PXDNL: variants seen among roughly 807,000 people sequenced by gnomAD.
PXDNL encodes the protein probable oxidoreductase PXDNL.
PXDNL carries 145 observed loss-of-function variants against 150.8 expected under a neutral mutation model. The ratio of observed to expected loss-of-function variants is 0.96; its 90% confidence interval spans 0.84 to 1.10. PXDNL has a LOEUF of 1.10. PXDNL is among the 50% of genes least tolerant of loss of function. The pLI, the probability that PXDNL is intolerant of heterozygous loss-of-function variation, is 0.00. For missense variants in PXDNL, 2,087 were observed against 1,873.9 expected, an observed-to-expected ratio of 1.11 and a Z score of -2.10; for synonymous variants, 757 against 725.7, an observed-to-expected ratio of 1.04 and a Z score of -0.69.
chr8:51,435,211 C>T (rs1041894685), intron 12 of PXDNL, among the ~76,000 whole-genome samples: 28 of 152,166 alleles, frequency 1.8e-4, no homozygotes, highest in African/African-American at 6.3e-4. Context: ...ATCCCAGCTA[C>T]TCAGGAGGCG....
chr8:51,765,189 C>T (rs924213029), intron 1 of PXDNL, among the ~76,000 whole-genome samples: 2 of 152,124 alleles, frequency 1.3e-5, no homozygotes, highest in African/African-American at 2.4e-5. Context: ...TCCCATAATT[C>T]CCACATGTTG....
At chr8:51,733,333 C>T (rs1157383642) in intron 1 of PXDNL, among the ~76,000 whole-genome samples, 1 of 152,176 alleles carries the variant, frequency 6.6e-6, no homozygotes, top group Non-Finnish European at 1.5e-5. Flanking sequence ...AAATGTAACT[C>T]AAGTGTTCTC....
chr8:51,763,918 C>A (rs35918180), intron 1 of PXDNL, among the ~76,000 whole-genome samples: 9,229 of 152,204 alleles, frequency 0.061, 378 homozygotes, highest in Non-Finnish European at 0.087. Context: ...TGGTAGAATT[C>A]TTCAGCGAAG....
chr8:51,773,582 C>T lies in PXDNL; in HGVS notation c.164+35599G>A, dbSNP rs977387420. ...ACGACCACCTTCTAGAATTTGTTCC[C>T]AAGCTTCCATCTCAGGAAACAAGAA... On this transcript the variant is annotated intron_variant, in intron 1 of 22. Transcript: ENST00000356297. 5.9e-5 allele frequency among the ~76,000 whole-genome samples: 9 copies of T among 152,312 alleles called. No individual in the cohort carries two copies. In the South Asian group the frequency reaches 1.2e-3, roughly 21 times the overall value.
intron 3 of PXDNL, among the ~76,000 whole-genome samples, chr8:51,568,020 A>G (rs1169560721): frequency 6.6e-6 from 1 of 151,802 alleles, no homozygotes; most frequent in Non-Finnish European, 1.5e-5. Flanking sequence ...ATAAATATGA[A>G]GGGCTGACTG....
At chr8:51,577,802 C>T (rs1263378547) in intron 3 of PXDNL, among the ~76,000 whole-genome samples, 2 of 150,240 alleles carry the variant, frequency 1.3e-5, no homozygotes, top group African/African-American at 4.9e-5. Context: ...GAATCCTTCC[C>T]TCTAAGGTCA....
chr8:51,654,722 C>T lies in PXDNL; in HGVS notation c.203G>A (p.Ser68Asn), dbSNP rs74457466. Reference sequence around the variant, plus strand: ...CAAATTCTTGAGTTTCTTGAAGGCGCTCCCTGGAATTTCTCTTATTCTGTT... The same window carrying T: ...CAAATTCTTGAGTTTCTTGAAGGCGTTCCCTGGAATTTCTCTTATTCTGTT... ...RFNRIREIPGSAFKKLKNLNT... is the reference protein window; with the variant it reads ...RFNRIREIPGNAFKKLKNLNT... The change falls in exon 2 of 23, where the codon AGC (serine) becomes AAC (asparagine). Residue 68 changes from serine (S) to asparagine (N), a missense_variant. Ser to Asn is a conservative substitution (Grantham distance 46). Coordinates refer to ENST00000356297, the MANE Select transcript of PXDNL (RefSeq NM_144651.5). The T allele has an allele frequency of 3.7e-6, 6 of 1,613,472 alleles. No individual in the cohort carries two copies. The highest frequency in any genetic ancestry group is 2.2e-5 in the South Asian group (2 of 91,072).
intron 4 of PXDNL, among the ~76,000 whole-genome samples, chr8:51,523,554 C>T (rs1374524387): frequency 6.6e-6 from 1 of 152,102 alleles, no homozygotes; most frequent in East Asian, 1.9e-4. Context: ...AACTGAAAAA[C>T]AAAACAAAGA....
At chr8:51,789,733 A>G (rs1391246229) in intron 1 of PXDNL, among the ~76,000 whole-genome samples, 1 of 152,180 alleles carries the variant, frequency 6.6e-6, no homozygotes, top group Non-Finnish European at 1.5e-5. Context: ...GAATGACAAA[A>G]GGCTTATCTT....
intron 4 of PXDNL, among the ~76,000 whole-genome samples, chr8:51,536,117 G>A (rs1254844991): frequency 2.0e-5 from 3 of 152,162 alleles, no homozygotes; most frequent in Non-Finnish European, 2.9e-5. Context: ...ACACCCTCTC[G>A]GGACCTGAAA....
intron 2 of PXDNL, among the ~76,000 whole-genome samples, chr8:51,650,422 A>G (rs1346677729): frequency 6.6e-6 from 1 of 152,130 alleles, no homozygotes; most frequent in Non-Finnish European, 1.5e-5. Context: ...AGACAAGACC[A>G]CTTAACTTGG....
intron 1 of PXDNL, among the ~76,000 whole-genome samples, chr8:51,742,938 A>G (rs1027355293): frequency 1.3e-5 from 2 of 152,198 alleles, no homozygotes; most frequent in South Asian, 2.1e-4. Context: ...TTGGTGATCT[A>G]TAATTTAATC....
In PXDNL at chr8:51,662,241, C is replaced by T. The variant is rs530753942; in HGVS notation, c.165-7481G>A. On this transcript the variant is annotated intron_variant, in intron 1 of 22. Coordinates refer to ENST00000356297, the MANE Select transcript of PXDNL (RefSeq NM_144651.5). ...AAGCAACAAAAAATAAAAATATGGC[C>T]GGGCATGGTGGCTCATACCTATAAT... Among the ~76,000 whole-genome samples, 22 of 152,206 alleles carry T rather than the reference C, an allele frequency of 1.4e-4. No individual in the cohort carries two copies. The East Asian group carries it at 3.5e-3, about 24-fold the overall frequency.
intron 4 of PXDNL, among the ~76,000 whole-genome samples, chr8:51,534,230 A>G (rs1811995082): frequency 7.4e-6 from 1 of 134,606 alleles, no homozygotes; most frequent in South Asian, 2.3e-4. Context: ...CTGAGAAGTA[A>G]GGAAACCCTC....
At chr8:51,689,816 G>T (rs570908668) in intron 1 of PXDNL, among the ~76,000 whole-genome samples, 1 of 152,296 alleles carries the variant, frequency 6.6e-6, no homozygotes, top group South Asian at 2.1e-4. Flanking sequence ...TTCCACTGAG[G>T]CACAGTGTGG....
intron 3 of PXDNL, among the ~76,000 whole-genome samples, chr8:51,558,594 T>A (rs1812645666): frequency 6.6e-6 from 1 of 152,060 alleles, no homozygotes; most frequent in African/African-American, 2.4e-5. Context: ...TCATAAAATA[T>A]TCATGAAGGA....
At chr8:51,724,487 G>A (rs773174402) in intron 1 of PXDNL, among the ~76,000 whole-genome samples, 2 of 151,694 alleles carry the variant, frequency 1.3e-5, no homozygotes, top group Admixed American at 6.6e-5. Context: ...ACATGACATC[G>A]CAGAAAAAAA....
At chr8:51,717,794 T>G (rs925206901) in intron 1 of PXDNL, among the ~76,000 whole-genome samples, 1 of 152,118 alleles carries the variant, frequency 6.6e-6, no homozygotes, top group African/African-American at 2.4e-5. Flanking sequence ...AAGATGAGTA[T>G]TTGTGGTCAG....
chr8:51,483,201 G>A (rs1185721440), intron 6 of PXDNL, among the ~76,000 whole-genome samples: 1 of 152,178 alleles, frequency 6.6e-6, no homozygotes, highest in Non-Finnish European at 1.5e-5. Flanking sequence ...TGCAAGCATG[G>A]GGATTTTTGT....
Sources: allele counts gnomAD v4.1 joint callset (sites outside exome capture counted in the v4.1 genomes callset), GRCh38; gene constraint gnomAD v4.1.1; transcripts MANE v1.5; gene names NCBI Gene and HGNC (gene_info 2026-07-23, HGNC 2026-07-21).